Variants in SRSF11 observed in about 807,000 individuals in gnomAD.
SRSF11 encodes serine/arginine-rich splicing factor 11.
A neutral mutation model predicts 56.0 loss-of-function variants in SRSF11; 9 were observed. The ratio of observed to expected loss-of-function variants is 0.16; its 90% CI spans 0.10 to 0.28. The LOEUF (loss-of-function observed/expected upper bound fraction) is 0.28. SRSF11 is among the 10% of genes least tolerant of loss of function. The pLI is 1.00. For missense variants in SRSF11, 421 were observed against 600.7 expected (o/e 0.70, Z 3.13); for synonymous variants, 222 against 215.3 (o/e 1.03, Z -0.27).
chr1:70,221,947 G>A, intron 1 of SRSF11, 108 bp downstream of exon 1: 9 of 1,494,334 alleles, frequency 6.0e-6, no homozygotes, highest in Non-Finnish European at 8.0e-6. Context: ...CAGGCTGCTT[G>A]AGTGGCTGGT....
At chr1:70,235,954 T>C (rs542195735) in intron 5 of SRSF11, among the ~76,000 whole-genome samples, 3 of 152,210 alleles carry the variant, frequency 2.0e-5, no homozygotes, top group Non-Finnish European at 2.9e-5. Flanking sequence ...TTTTGATAAG[T>C]GCTCTTCATG....
At position 70,231,633 on chromosome 1, in the gene SRSF11, G is replaced by T. The variant is rs1672869892; in HGVS notation, c.338-635G>T. ...TCTCACTCCCATGCACACATCCTGTGTGTATTCAGAGACCTTCAGAAACAT... is the reference window on the plus strand; with the variant it reads ...TCTCACTCCCATGCACACATCCTGTTTGTATTCAGAGACCTTCAGAAACAT... On this transcript the variant is annotated intron_variant, in intron 2 of 11. Transcript: ENST00000370949. 5.1e-6 allele frequency: 6 copies of T among 1,175,644 alleles called. No homozygotes were observed. In the African/African-American group the frequency reaches 8.0e-5, roughly 16 times the overall value. 72.8% of individuals were successfully genotyped at this position (1,175,644 alleles called of 1,614,324 possible). A position where few individuals can be genotyped will look rare whatever the true frequency, so the allele number is the denominator to read the frequency against.
intron 2 of SRSF11, 128 bp from the exon 3 acceptor site, chr1:70,232,140 G>A (rs1672955535): frequency 6.4e-7 from 1 of 1,559,144 alleles, no homozygotes; most frequent in African/African-American, 1.4e-5. Context: ...ATCAAGCTTT[G>A]TATTTTAGCG....
chr1:70,232,675 A>C (rs1011769489), intron 3 of SRSF11, among the ~76,000 whole-genome samples: 2 of 152,240 alleles, frequency 1.3e-5, no homozygotes, highest in African/African-American at 4.8e-5. Flanking sequence ...CACTGTTAAA[A>C]ATATATTCAT....
intron 5 of SRSF11, 111 bp from the exon 6 acceptor site, chr1:70,237,313 CT>C: frequency 6.5e-6 from 9 of 1,383,602 alleles, no homozygotes; most frequent in Non-Finnish European, 6.9e-6. Context: ...CCTCCCCTCC[CT>C]TTTTTTGAAG....
In SRSF11 at chr1:70,237,543, A is replaced by C. The variant is rs764238943; in HGVS notation, c.709A>C (p.Ile237Leu). 3 of 1,611,420 alleles carry C rather than the reference A, an allele frequency of 1.9e-6. No individual in the cohort carries two copies. The highest frequency in any genetic ancestry group is 2.5e-6 in the Non-Finnish European group (3 of 1,179,482). ...AGCACAGTCCCTAATTTCTGCTGCTATAGAACCAGGTAAACAATGTTTATG... is the reference window on the plus strand; with the variant it reads ...AGCACAGTCCCTAATTTCTGCTGCTCTAGAACCAGGTAAACAATGTTTATG... ...REAQSLISAA[I>L]EPDKKEEKRR... Residue 237 changes from isoleucine (I) to leucine (L), a missense_variant, in exon 6 of 12, where the codon ATA (isoleucine) becomes CTA (leucine). By Grantham distance (5) the Ile-to-Leu change is conservative (BLOSUM62 2). Coordinates refer to ENST00000370949, the MANE Select transcript of SRSF11 (RefSeq NM_001350605.2).
chr1:70,222,888 C>T (rs1432068126), intron 1 of SRSF11: 1 of 152,194 alleles, frequency 6.6e-6, no homozygotes, highest in Non-Finnish European at 1.5e-5. Context: ...CATATTTCAT[C>T]ACTTTCCACT....
chr1:70,212,059 G>A (rs1669603845), intron 1 of SRSF11, among the ~76,000 whole-genome samples: 2 of 152,140 alleles, frequency 1.3e-5, no homozygotes. Context: ...ATTGTTTCAA[G>A]TGACTGGGGT....
chr1:70,241,481 A>C (rs1424236687), intron 7 of SRSF11, among the ~76,000 whole-genome samples: 2 of 152,186 alleles, frequency 1.3e-5, no homozygotes, highest in Non-Finnish European at 2.9e-5. Flanking sequence ...CAGAAACCCA[A>C]ATACAGATCA....
chr1:70,213,659 C>A (rs1300611701), intron 1 of SRSF11, among the ~76,000 whole-genome samples: 2 of 151,954 alleles, frequency 1.3e-5, no homozygotes, highest in Non-Finnish European at 2.9e-5. Flanking sequence ...GCCTTAGTTT[C>A]TTTATTTATA....
chr1:70,230,331 A>T, intron 2 of SRSF11: 4 of 1,050,860 alleles, frequency 3.8e-6, no homozygotes, highest in Non-Finnish European at 4.6e-6. Context: ...AGTAAATACA[A>T]TTCCCTCCAG....
chr1:70,212,675 A>G (rs935729109), intron 1 of SRSF11, among the ~76,000 whole-genome samples: 2 of 152,228 alleles, frequency 1.3e-5, no homozygotes, highest in African/African-American at 4.8e-5. Context: ...TATAATTCAT[A>G]TCTTTAACTT....
chr1:70,220,256 T>A (rs1387372780), upstream of SRSF11, among the ~76,000 whole-genome samples: 1 of 152,190 alleles, frequency 6.6e-6, no homozygotes, highest in African/African-American at 2.4e-5. Flanking sequence ...CTACAGAAGA[T>A]GACAGATAAG....
Position 70,250,589 on chromosome 1 carries a change from ATT to A in SRSF11, c.1258-18_1258-17del. Reference sequence around the variant, plus strand: ...TTTTTCTTTGGAGAAGTTTACTTTTATTATTCTCCTTGGCAAAGCAGGTTACA... The same window carrying A: ...TTTTTCTTTGGAGAAGTTTACTTTTAATTCTCCTTGGCAAAGCAGGTTACA... On this transcript the variant is annotated splice_polypyrimidine_tract_variant and intron_variant, in intron 11 of 11. Coordinates refer to ENST00000370949, the MANE Select transcript of SRSF11 (RefSeq NM_001350605.2). 6.2e-7 allele frequency: 1 copy of A among 1,611,140 alleles called. No homozygotes were observed. Among genetic ancestry groups the A allele is most frequent in the Non-Finnish European group, 8.5e-7 (1 of 1,179,192 alleles).
Position 70,234,700 on chromosome 1 carries a change from G to T in SRSF11, c.452G>T (p.Gly151Val). 1 of 1,603,414 alleles carries T rather than the reference G, an allele frequency of 6.2e-7. No homozygotes were observed. Among genetic ancestry groups the T allele is most frequent in the Non-Finnish European group, 8.5e-7 (1 of 1,176,742 alleles). The stretch of plus-strand genomic sequence containing the variant: ...ATAAAATTTGCCATTTCACAGATTG[G>T]CGCTGTTCCACTGGCTGCTTTGGGG... The part of the protein sequence containing the change: ...LPTPNPLTQI[G>V]AVPLAALGAP... The change falls in exon 4 of 12, where the codon GGC (glycine) becomes GTC (valine). Residue 151 changes from glycine (G) to valine (V), a missense_variant. Around this residue, in one of 2 missense-constraint regions of SRSF11, gnomAD observed 168 missense variants for 294.9 expected, o/e 0.57. Transcript: ENST00000370949.
chr1:70,235,336 TTTG>T lies in SRSF11; in HGVS notation c.541-162_541-160del, dbSNP rs559090407. ...GTCACCGGTTTTTGTTTTGTTTTGT[TTTG>T]TTTTTTGTTTTTGTTTTTTCTTTTT... On this transcript the variant is annotated intron_variant, in intron 4 of 11. Transcript: ENST00000370949. Among the ~76,000 whole-genome samples the T allele has an allele frequency of 2.1e-3, 327 of 152,238 alleles. 1 individual carries two copies. The highest frequency in any genetic ancestry group is 3.9e-3 in the Non-Finnish European group (266 of 67,994).
Position 70,250,643 on chromosome 1 carries a change from G to A in SRSF11, c.1293G>A (p.Gly431=). ...VTRDYDEEEQ[G]YDSEKEKKEE... ...GGGATTATGATGAAGAGGAACAGGG[G>A]TATGACAGTGAGAAAGAGAAAAAAG... Residue 431 remains glycine, a synonymous_variant, in exon 12 of 12, where the codon GGG becomes GGA. Coordinates refer to ENST00000370949, the MANE Select transcript of SRSF11 (RefSeq NM_001350605.2). The A allele has an allele frequency of 1.2e-6, 2 of 1,613,944 alleles. No homozygotes were observed. The highest frequency in any genetic ancestry group is 2.2e-5 in the East Asian group (1 of 44,838).
At chr1:70,225,086 A>T (rs1260803662) in intron 1 of SRSF11, among the ~76,000 whole-genome samples, 1 of 152,196 alleles carries the variant, frequency 6.6e-6, no homozygotes, top group Non-Finnish European at 1.5e-5. Flanking sequence ...GAGTTTGCTG[A>T]TTTAGCCAAG....
At chr1:70,216,469 G>A (rs1670017109), upstream of SRSF11, among the ~76,000 whole-genome samples, 1 of 146,362 alleles carries the variant, frequency 6.8e-6, no homozygotes, top group Non-Finnish European at 1.5e-5. Flanking sequence ...GTCTCACTCT[G>A]TCACCCAGAC....
Sources: allele counts gnomAD v4.1 joint callset (sites outside exome capture counted in the v4.1 genomes callset), GRCh38; gene constraint gnomAD v4.1.1; regional missense constraint gnomAD v4.1.1; transcripts MANE v1.5; gene names NCBI Gene and HGNC (gene_info 2026-07-23, HGNC 2026-07-21).